AGAP3: variants seen among roughly 807,000 people sequenced by gnomAD.
AGAP3 encodes the protein arf-GAP with GTPase, ANK repeat and PH domain-containing protein 3.
AGAP3 carries 24 observed loss-of-function variants against 96.9 expected under a neutral mutation model. The observed-to-expected ratio is 0.25, with a 90% confidence interval of 0.18 to 0.35. The LOEUF (loss-of-function observed/expected upper bound fraction) is 0.35, where lower values mean the gene tolerates loss of function less well. AGAP3 is among the 10% of genes least tolerant of loss of function. AGAP3 has a pLI of 1.00. For missense variants in AGAP3, 876 were observed against 1,254.2 expected (o/e 0.70, Z 4.55); for synonymous variants, 563 against 536.1 (o/e 1.05, Z -0.69).
In AGAP3 at chr7:151,096,965, T is replaced by C. The variant is rs1798628918; in HGVS notation, c.331+9893T>C. Among the ~76,000 whole-genome samples, 1 of 151,590 alleles carries C rather than the reference T, an allele frequency of 6.6e-6. No homozygotes were observed. Among genetic ancestry groups the C allele is most frequent in the Non-Finnish European group, 1.5e-5 (1 of 67,906 alleles). On this transcript the variant is annotated intron_variant, in intron 1 of 17. Coordinates refer to ENST00000397238, the MANE Select transcript of AGAP3 (RefSeq NM_031946.7). The surrounding 1 kb of genome is among the most constrained non-coding windows in gnomAD (Gnocchi z 4.4). ...ATGTCTGGCTAATTTTTGTATTTTT[T>C]GTAGAGACGGGGTTTTACCATGTTG... is the stretch of plus-strand genomic sequence containing the variant.
chr7:151,137,981 G>A, intron 11 of AGAP3, 162 bp from the exon 12 acceptor site: 1 of 619,024 alleles, frequency 1.6e-6, no homozygotes. Flanking sequence ...CAGGGTCCCT[G>A]CGCAGCCTCT....
intron 1 of AGAP3, chr7:151,115,019 C>T: frequency 1.0e-6 from 1 of 990,904 alleles, no homozygotes; most frequent in Non-Finnish European, 1.2e-6. Flanking sequence ...TGCGCCCGCG[C>T]CTCGGCCGCC....
chr7:151,110,513 G>A (rs941935242), intron 1 of AGAP3, among the ~76,000 whole-genome samples: 7 of 152,138 alleles, frequency 4.6e-5, no homozygotes, highest in African/African-American at 1.7e-4. Flanking sequence ...ACGGGGCACT[G>A]GAACAGAATA....
In AGAP3 at chr7:151,117,474, G is replaced by A. The variant is rs1326460190; in HGVS notation, c.564+18G>A. 6.2e-7 allele frequency: 1 copy of A among 1,614,010 alleles called. No individual in the cohort carries two copies. The highest frequency in any genetic ancestry group is 8.5e-7 in the Non-Finnish European group (1 of 1,179,976). The stretch of plus-strand genomic sequence containing the variant: ...AGCTCCAGGTGATGCTCCTGCCCAG[G>A]GTTAGGGCCCACCGCTGTGCCTGGA... On this transcript the variant is annotated intron_variant, in intron 4 of 17. Coordinates refer to ENST00000397238, the MANE Select transcript of AGAP3 (RefSeq NM_031946.7).
chr7:151,120,025 G>T lies in AGAP3; in HGVS notation c.1008G>T (p.Ser336=). 1.2e-6 allele frequency: 2 copies of T among 1,613,866 alleles called. No homozygotes were observed. The highest frequency in any genetic ancestry group is 1.3e-5 in the African/African-American group (1 of 75,040). Reference sequence around the variant, plus strand: ...GCGGCAGCGCCTTCAGCGACTACTCGTCCTCAGTCCCCTCCACCCCCAGCA... The same window carrying T: ...GCGGCAGCGCCTTCAGCGACTACTCTTCCTCAGTCCCCTCCACCCCCAGCA... The part of the protein sequence containing the change: ...NGGGSAFSDY[S]SSVPSTPSIS... The change falls in exon 8 of 18, where the codon TCG becomes TCT. Residue 336 remains serine (S), a synonymous_variant. Transcript: ENST00000397238.
Position 151,142,514 on chromosome 7 carries a change from A to C in AGAP3, c.2153A>C (p.Asp718Ala). The C allele has an allele frequency of 6.2e-7, 1 of 1,613,648 alleles. No homozygotes were observed. The highest frequency in any genetic ancestry group is 8.5e-7 in the Non-Finnish European group (1 of 1,179,968). ...CACCTGTCCCGGGTGCGCTCCCTTG[A>C]CCTCGATGACTGGCCGCCTGAGCTG... is the stretch of plus-strand genomic sequence containing the variant. ...GAHLSRVRSL[D>A]LDDWPPELLA... The change falls in exon 16 of 18, where the codon GAC (aspartate) becomes GCC (alanine). Residue 718 changes from aspartate to alanine, a missense_variant. Transcript: ENST00000397238. The surrounding 1 kb of genome is among the most constrained non-coding windows in gnomAD (Gnocchi z 7.5).
At chr7:151,128,183 T>G in intron 9 of AGAP3, 1 of 174,202 alleles carries the variant, frequency 5.7e-6, no homozygotes, top group East Asian at 1.5e-4. Flanking sequence ...GGGAGGAGCA[T>G]CACTGATGGC....
chr7:151,120,759 C>A lies in AGAP3; in HGVS notation c.1128+614C>A, dbSNP rs531117649. On this transcript the variant is annotated intron_variant, in intron 8 of 17. Coordinates refer to ENST00000397238, the MANE Select transcript of AGAP3 (RefSeq NM_031946.7). ...CCTCCCTCTCAGGTTTGTCCTGTCT[C>A]CTTGTGAGCTCCTCACTCACCCCTC... 87 of 1,192,274 alleles carry A rather than the reference C, an allele frequency of 7.3e-5. No homozygotes were observed. In the African/African-American group the frequency reaches 1.4e-3, roughly 19 times the overall value. The allele number at this position is 1,192,274 out of a possible 1,614,324, so 73.9% of individuals were successfully genotyped here. A position where few individuals can be genotyped will look rare whatever the true frequency, so the allele number is the denominator to read the frequency against.
intron 2 of AGAP3, 105 bp from the exon 3 acceptor site, chr7:151,116,990 T>C: frequency 6.8e-7 from 1 of 1,475,084 alleles, no homozygotes; most frequent in South Asian, 1.2e-5. Flanking sequence ...CTCCTCCCCT[T>C]CAGCCCTGGC....
intron 1 of AGAP3, among the ~76,000 whole-genome samples, chr7:151,088,846 G>C (rs1489943232): frequency 2.6e-5 from 4 of 152,152 alleles, no homozygotes; most frequent in Non-Finnish European, 5.9e-5. Flanking sequence ...ACAACAGGCA[G>C]AATTTCCCCT....
In AGAP3 at chr7:151,141,830, T is replaced by C. The variant is rs1175415237; in HGVS notation, c.1805-68T>C. 1 of 1,604,194 alleles carries C rather than the reference T, an allele frequency of 6.2e-7. No homozygotes were observed. ...TGGAGCAGGGTAGTGAGTGGAGTTG[T>C]GGCGATAGCATGCCCTGGGTGTGCA... On this transcript the variant is annotated intron_variant, in intron 13 of 17. Coordinates refer to ENST00000397238, the MANE Select transcript of AGAP3 (RefSeq NM_031946.7). The surrounding 1 kb of genome is among the most constrained non-coding windows in gnomAD (Gnocchi z 4.2).
chr7:151,117,020 T>C (rs1053241142), intron 2 of AGAP3, 75 bp from the exon 3 acceptor site: 2 of 1,522,744 alleles, frequency 1.3e-6, no homozygotes, highest in African/African-American at 1.4e-5. Flanking sequence ...TCCTGCTGCT[T>C]CTTTGCTTTT....
chr7:151,116,373 A>C, intron 1 of AGAP3: 1 of 181,574 alleles, frequency 5.5e-6, no homozygotes, highest in Non-Finnish European at 1.1e-5. Flanking sequence ...TCTTACTTGC[A>C]GGAGTCTGCC....
intron 11 of AGAP3, chr7:151,137,935 G>A (rs1239568802): frequency 1.0e-5 from 6 of 576,876 alleles, no homozygotes; most frequent in African/African-American, 3.8e-5. Flanking sequence ...GCTGTGGACC[G>A]TGAAGATCTG....
Position 151,118,379 on chromosome 7 carries a change from C to A in AGAP3, c.841+35C>A, listed in dbSNP as rs753214895. ...GTGCCGGGTGGGAGTCACTGGCAGC[C>A]GCGGCCCCAGTGCTGGCGATAGGAA... On this transcript the variant is annotated intron_variant, in intron 6 of 17. Coordinates refer to ENST00000397238, the MANE Select transcript of AGAP3 (RefSeq NM_031946.7). This position sits in a 1 kb window ranked among gnomAD's most constrained non-coding sequence, Gnocchi z 6.1. 3.8e-6 allele frequency: 6 copies of A among 1,597,814 alleles called. No individual in the cohort carries two copies. Among genetic ancestry groups the A allele is most frequent in the Non-Finnish European group, 5.1e-6 (6 of 1,167,752 alleles).
chr7:151,115,068 C>CCCAGCCCCGCGT (rs747200514), intron 1 of AGAP3: 32 of 1,019,918 alleles, frequency 3.1e-5, no homozygotes, highest in South Asian at 2.5e-4. Context: ...CTCGCCTGCG[C>CCCAGCCCCGCGT]CCAGCCCCGC....
rs528715584 is a variant in AGAP3, at chr7:151,132,407, G to A, written c.1327-1993G>A. On this transcript the variant is annotated intron_variant, in intron 10 of 17. Coordinates refer to ENST00000397238, the MANE Select transcript of AGAP3 (RefSeq NM_031946.7). ...TTGGTACTGTCCCTCACAGAGGACT[G>A]GGGTGGCAGGAGGGCATAGGTAAGC... 2.1e-4 allele frequency among the ~76,000 whole-genome samples: 32 copies of A among 152,364 alleles called. No individual in the cohort carries two copies. The South Asian group carries it at 6.6e-3, about 32-fold the overall frequency.
intron 1 of AGAP3, among the ~76,000 whole-genome samples, chr7:151,088,409 C>G (rs971467271): frequency 3.3e-5 from 5 of 152,216 alleles, no homozygotes; most frequent in African/African-American, 1.2e-4. Context: ...GAGTAAATGG[C>G]CTGAATCACC....
At chr7:151,134,657 T>C in intron 11 of AGAP3, 89 bp downstream of exon 11, 1 of 1,340,390 alleles carries the variant, frequency 7.5e-7, no homozygotes, top group Non-Finnish European at 1.0e-6. Flanking sequence ...CTTCTCAGCC[T>C]GGGCACAGGG....
Sources: gnomAD v4.1 joint callset for allele counts (sites outside exome capture counted in the v4.1 genomes callset) on GRCh38, gnomAD v4.1.1 for gene constraint, Gnocchi (gnomAD v3.1) non-coding constraint, MANE v1.5 for transcripts, NCBI Gene and HGNC (gene_info 2026-07-23, HGNC 2026-07-21) for gene names.